FOXP1: variants seen among roughly 807,000 people sequenced by gnomAD.
FOXP1 encodes the protein forkhead box P1.
Under a neutral mutation model 98.2 loss-of-function variants are expected in FOXP1, and 15 were observed. The ratio of observed to expected loss-of-function variants is 0.15; its 90% CI spans 0.10 to 0.24. FOXP1 has a LOEUF of 0.24. FOXP1 is among the 10% of genes least tolerant of loss of function. FOXP1 has a pLI of 1.00. For missense variants in FOXP1, 633 were observed against 848.5 expected, an observed-to-expected ratio of 0.75 and a Z score of 3.15; for synonymous variants, 371 against 314.5, an observed-to-expected ratio of 1.18 and a Z score of -1.90.
chr3:71,153,747 A>C (rs918367552), intron 6 of FOXP1, among the ~76,000 whole-genome samples: 3 of 152,188 alleles, frequency 2.0e-5, no homozygotes, highest in Non-Finnish European at 4.4e-5. Flanking sequence ...ATCAAAGGGA[A>C]TTATTCTAAG....
At chr3:71,575,103 G>A (rs2047623761) in intron 2 of FOXP1, among the ~76,000 whole-genome samples, 2 of 152,240 alleles carry the variant, frequency 1.3e-5, no homozygotes, top group South Asian at 4.1e-4. Context: ...CCCCAGATAC[G>A]GCACATCCAG....
chr3:71,393,463 T>A (rs1046585530), intron 3 of FOXP1, among the ~76,000 whole-genome samples: 2 of 152,042 alleles, frequency 1.3e-5, no homozygotes, highest in Admixed American at 1.3e-4. Context: ...CTTGCCTCTC[T>A]AATATCATGT....
chr3:71,558,340 C>T (rs1447922487), intron 2 of FOXP1, among the ~76,000 whole-genome samples: 1 of 152,186 alleles, frequency 6.6e-6, no homozygotes, highest in East Asian at 1.9e-4. Flanking sequence ...AGAGGTGGAC[C>T]AGACTGGCTG....
intron 3 of FOXP1, among the ~76,000 whole-genome samples, chr3:71,386,445 C>T (rs1397827522): frequency 6.6e-6 from 1 of 152,104 alleles, no homozygotes; most frequent in African/African-American, 2.4e-5. Context: ...GTTAACTACG[C>T]ATAATAATAG....
At chr3:71,350,736 T>C (rs2077720726) in intron 4 of FOXP1, among the ~76,000 whole-genome samples, 1 of 152,174 alleles carries the variant, frequency 6.6e-6, no homozygotes, top group Non-Finnish European at 1.5e-5. Flanking sequence ...CATATGATAT[T>C]TAAAGGTTCC....
intron 6 of FOXP1, among the ~76,000 whole-genome samples, chr3:71,187,990 C>T (rs1211294780): frequency 6.6e-6 from 1 of 152,130 alleles, no homozygotes; most frequent in African/African-American, 2.4e-5. Flanking sequence ...AGAACTACTT[C>T]GTATCATGCA....
At chr3:71,248,314 G>A (rs1000905642) in intron 5 of FOXP1, among the ~76,000 whole-genome samples, 2 of 152,076 alleles carry the variant, frequency 1.3e-5, no homozygotes, top group East Asian at 1.9e-4. Flanking sequence ...GTAGGATCTC[G>A]TGTTTCCTAT....
chr3:71,172,963 A>G (rs1436394643), intron 6 of FOXP1, among the ~76,000 whole-genome samples: 1 of 152,224 alleles, frequency 6.6e-6, no homozygotes, highest in Non-Finnish European at 1.5e-5. Flanking sequence ...CTTAGAAATG[A>G]AGTCGTATCC....
intron 13 of FOXP1, among the ~76,000 whole-genome samples, chr3:70,994,020 G>C (rs1559666709): frequency 6.7e-6 from 1 of 149,806 alleles, no homozygotes; most frequent in Non-Finnish European, 1.5e-5. Context: ...AAAAGAAAAA[G>C]AAAAAGAAAA....
chr3:71,450,105 A>G (rs1485356707), intron 3 of FOXP1, among the ~76,000 whole-genome samples: 2 of 152,246 alleles, frequency 1.3e-5, no homozygotes. Context: ...TTCTAAATAC[A>G]TAAGACATTA....
intron 3 of FOXP1, among the ~76,000 whole-genome samples, chr3:71,434,678 G>T (rs2085063998): frequency 6.7e-6 from 1 of 149,930 alleles, no homozygotes; most frequent in Non-Finnish European, 1.5e-5. Flanking sequence ...GGAAGGGGAT[G>T]GAGGGAGGTG....
At chr3:71,329,050 C>A (rs2076122946) in intron 4 of FOXP1, among the ~76,000 whole-genome samples, 1 of 149,524 alleles carries the variant, frequency 6.7e-6, no homozygotes, top group Admixed American at 6.7e-5. Context: ...TCCTCAATAT[C>A]CTCCACCTGT....
At chr3:71,389,612 A>G (rs769081889) in intron 3 of FOXP1, among the ~76,000 whole-genome samples, 7 of 152,236 alleles carry the variant, frequency 4.6e-5, no homozygotes, top group Non-Finnish European at 7.3e-5. Context: ...TGAGAGATGC[A>G]AGAGAATATG....
At chr3:71,169,467 CA>C (rs1201208942) in intron 6 of FOXP1, among the ~76,000 whole-genome samples, 2 of 152,096 alleles carry the variant, frequency 1.3e-5, no homozygotes, top group Non-Finnish European at 2.9e-5. Context: ...GAGCCTAATG[CA>C]AAAACCAGTT....
chr3:71,213,534 T>C (rs1005708126), intron 5 of FOXP1, among the ~76,000 whole-genome samples: 12 of 152,102 alleles, frequency 7.9e-5, no homozygotes, highest in African/African-American at 2.9e-4. Context: ...AGCATACACA[T>C]GGCCGGGCAT....
chr3:71,174,827 C>CACACACACACACACACA (rs1553767955), intron 6 of FOXP1, among the ~76,000 whole-genome samples: 6 of 142,308 alleles, frequency 4.2e-5, no homozygotes, highest in Admixed American at 7.2e-5. Context: ...CACACACACA[C>CACACACACACACACACA]CCCAATATAC....
At chr3:71,583,003 G>A (rs1234717821) in intron 1 of FOXP1, among the ~76,000 whole-genome samples, 1 of 152,040 alleles carries the variant, frequency 6.6e-6, no homozygotes, top group Non-Finnish European at 1.5e-5. Flanking sequence ...TTTGCTCCAA[G>A]TCTAAACTTT....
chr3:70,967,073 T>C (rs1372139062), intron 19 of FOXP1, among the ~76,000 whole-genome samples: 9 of 152,226 alleles, frequency 5.9e-5, no homozygotes, highest in Admixed American at 3.3e-4. Flanking sequence ...ACAACTGTCC[T>C]CCTGCAGACT....
chr3:71,458,762 C>T (rs2087738870), intron 3 of FOXP1, among the ~76,000 whole-genome samples: 1 of 152,148 alleles, frequency 6.6e-6, no homozygotes, highest in South Asian at 2.1e-4. Context: ...ACTTATTCTG[C>T]AATTTCTTAC....
Sources: gnomAD v4.1 joint callset for allele counts (sites outside exome capture counted in the v4.1 genomes callset) on GRCh38, gnomAD v4.1.1 for gene constraint, MANE v1.5 for transcripts, NCBI Gene and HGNC (gene_info 2026-07-23, HGNC 2026-07-21) for gene names.